The following UFM1 variants were observed in gnomAD, a reference collection of about 807,000 sequenced individuals.
UFM1 encodes ubiquitin-fold modifier 1.
In UFM1, 9 loss-of-function variants were observed where a neutral mutation model predicts 15.4. The ratio of observed to expected loss-of-function variants is 0.59; its 90% confidence interval spans 0.35 to 1.02. The LOEUF (loss-of-function observed/expected upper bound fraction) is 1.02, where lower values mean the gene tolerates loss of function less well. Ranked by LOEUF, UFM1 falls within the 50% of genes least tolerant of loss-of-function variation. The pLI, the probability that UFM1 is intolerant of heterozygous loss-of-function variation, is 0.02. For missense variants in UFM1, 98 were observed against 104.7 expected (o/e 0.94, Z 0.28); for synonymous variants, 27 against 36.3 (o/e 0.74, Z 0.92).
chr13:38,350,361 T>C, intron 2 of UFM1: 1 of 940,412 alleles, frequency 1.1e-6, no homozygotes, highest in Non-Finnish European at 1.6e-6. Flanking sequence ...GTGGACCAGG[T>C]TCTGGTAATT....
At position 38,360,981 on chromosome 13, in the gene UFM1, C is replaced by G. The variant is rs1406913101; in HGVS notation, c.*203C>G. 4.7e-6 allele frequency: 2 copies of G among 423,536 alleles called. No individual in the cohort carries two copies. Among genetic ancestry groups the G allele is most frequent in the African/African-American group, 4.1e-5 (2 of 48,936 alleles). 26.2% of individuals were successfully genotyped at this position (423,536 alleles called of 1,614,324 possible). On this transcript the variant is annotated 3_prime_UTR_variant, in exon 6 of 6. Coordinates refer to ENST00000239878, the MANE Select transcript of UFM1 (RefSeq NM_016617.4). ...GTATGAATTAAGGCTACTACTGTCA[C>G]AGAAGATCATAGTCTTTGATGCTAC... is the stretch of plus-strand genomic sequence containing the variant.
rs1296028016 is a variant in UFM1 at position 38,362,989 on chromosome 13, T to A, written c.*2211T>A. 1 of 152,090 alleles carries A rather than the reference T, an allele frequency of 6.6e-6. No homozygotes were observed. Among genetic ancestry groups the A allele is most frequent in the African/African-American group, 2.4e-5 (1 of 41,444 alleles). 9.4% of individuals were successfully genotyped at this position (152,090 alleles called of 1,614,324 possible). A position where few individuals can be genotyped will look rare whatever the true frequency, so the allele number is the denominator to read the frequency against. On this transcript the variant is annotated 3_prime_UTR_variant, in exon 6 of 6. Coordinates refer to ENST00000239878, the MANE Select transcript of UFM1 (RefSeq NM_016617.4). The stretch of plus-strand genomic sequence containing the variant: ...AATTAATATCTAATGAAAATACATG[T>A]TGTTATATTGTAAACCATATTGTCT...
chr13:38,352,192 C>T (rs549660124), intron 2 of UFM1, among the ~76,000 whole-genome samples: 3 of 150,192 alleles, frequency 2.0e-5, no homozygotes, highest in African/African-American at 4.9e-5. Flanking sequence ...CAACGCCCGC[C>T]TTCCCAGTTC....
chr13:38,350,309 C>A, intron 2 of UFM1: 1 of 1,413,008 alleles, frequency 7.1e-7, no homozygotes, highest in Non-Finnish European at 9.7e-7. Context: ...TAGTGACCTC[C>A]CCTCGGAATT....
chr13:38,349,937 C>T lies in UFM1; in HGVS notation c.2+16C>T. 6.2e-7 allele frequency: 1 copy of T among 1,614,022 alleles called. No individual in the cohort carries two copies. Among genetic ancestry groups the T allele is most frequent in the Non-Finnish European group, 8.5e-7 (1 of 1,179,894 alleles). On this transcript the variant is annotated intron_variant, in intron 1 of 5. Coordinates refer to ENST00000239878, the MANE Select transcript of UFM1 (RefSeq NM_016617.4). ...GCACCACCATGTAAGTGTTTGCTTA[C>T]CGACTGCCATAATTCCTGGTCCAGC...
intron 2 of UFM1, 154 bp downstream of exon 2, chr13:38,350,209 C>T: frequency 6.2e-7 from 1 of 1,612,042 alleles, no homozygotes. Context: ...GCCTTTCCCA[C>T]CGGAGCCTGC....
intron 4 of UFM1, among the ~76,000 whole-genome samples, chr13:38,359,068 C>G: frequency 6.6e-6 from 1 of 151,964 alleles, no homozygotes; most frequent in East Asian, 1.9e-4. Context: ...TTACCAGGAT[C>G]ATTGCATTGA....
intron 2 of UFM1, 67 bp downstream of exon 2, chr13:38,350,122 G>A (rs1332971637): frequency 1.2e-6 from 2 of 1,613,872 alleles, no homozygotes; most frequent in East Asian, 2.2e-5. Flanking sequence ...GGGATGATCC[G>A]AGCTTTTCCA....
At chr13:38,350,140 C>G in intron 2 of UFM1, 85 bp downstream of exon 2, 1 of 1,614,034 alleles carries the variant, frequency 6.2e-7, no homozygotes, top group East Asian at 2.2e-5. Flanking sequence ...CCAACAACTA[C>G]CCCACGCAGT....
At chr13:38,350,723 C>T (rs1878806565) in intron 2 of UFM1, among the ~76,000 whole-genome samples, 1 of 152,110 alleles carries the variant, frequency 6.6e-6, no homozygotes, top group African/African-American at 2.4e-5. Flanking sequence ...GAGGTTATTG[C>T]AGTTGGAAGT....
chr13:38,358,174 A>G, intron 4 of UFM1, 42 bp downstream of exon 4: 1 of 1,289,092 alleles, frequency 7.8e-7, no homozygotes, highest in Non-Finnish European at 1.0e-6. Context: ...TCAAATTTAT[A>G]GAAATGGTGT....
chr13:38,359,371 T>C, intron 5 of UFM1, 38 bp downstream of exon 5: 1 of 1,604,782 alleles, frequency 6.2e-7, no homozygotes, highest in Admixed American at 1.7e-5. Context: ...TGGGTGGGGT[T>C]ATATATGTCA....
At chr13:38,358,911 C>T (rs1463172690) in intron 4 of UFM1, among the ~76,000 whole-genome samples, 1 of 151,982 alleles carries the variant, frequency 6.6e-6, no homozygotes, top group African/African-American at 2.4e-5. Flanking sequence ...TGTGAGCTCT[C>T]CCAGCCTTAA....
Position 38,360,803 on chromosome 13 carries a change from T to C in UFM1, c.*25T>C, listed in dbSNP as rs1025097852. ...ATATCTGCTACTTGGAACATACGATTGCCTTTCAGAATAAATATTGGTATT... is the reference window on the plus strand; with the variant it reads ...ATATCTGCTACTTGGAACATACGATCGCCTTTCAGAATAAATATTGGTATT... On this transcript the variant is annotated 3_prime_UTR_variant, in exon 6 of 6. Coordinates refer to ENST00000239878, the MANE Select transcript of UFM1 (RefSeq NM_016617.4). 6.4e-6 allele frequency: 10 copies of C among 1,569,886 alleles called. No homozygotes were observed. Among genetic ancestry groups the C allele is most frequent in the Non-Finnish European group, 8.7e-6 (10 of 1,146,392 alleles).
chr13:38,359,867 C>A (rs965948671), intron 5 of UFM1: 17 of 178,392 alleles, frequency 9.5e-5, no homozygotes, highest in African/African-American at 2.4e-5. Flanking sequence ...AAAAAGAAGT[C>A]TAAAACTTTT....
chr13:38,358,573 A>T (rs1457243496), intron 4 of UFM1, among the ~76,000 whole-genome samples: 4 of 151,994 alleles, frequency 2.6e-5, no homozygotes, highest in Admixed American at 1.3e-4. Flanking sequence ...AAATCTTAAT[A>T]TCTTGGAACA....
intron 2 of UFM1, among the ~76,000 whole-genome samples, chr13:38,351,557 A>C (rs1878849838): frequency 6.6e-6 from 1 of 152,238 alleles, no homozygotes; most frequent in South Asian, 2.1e-4. Context: ...CTCCTATGAA[A>C]AACCACTTGA....
chr13:38,350,184 C>G (rs776932458), intron 2 of UFM1, 129 bp downstream of exon 2: 3 of 1,613,684 alleles, frequency 1.9e-6, no homozygotes, highest in Admixed American at 3.3e-5. Flanking sequence ...TTTCCTGGCT[C>G]GCGCCCTTCC....
rs1215153507 is a variant in UFM1 at position 38,353,068 on chromosome 13, G to T, written c.60-1171G>T. Among the ~76,000 whole-genome samples, 8 of 152,204 alleles carry T rather than the reference G, an allele frequency of 5.3e-5. No individual in the cohort carries two copies. The East Asian group carries it at 1.5e-3, about 29-fold the overall frequency. The stretch of plus-strand genomic sequence containing the variant: ...CCCCCCAAAAACATTAGTAAAGAAA[G>T]GGTAAAAATGATACCCATTTTCATC... On this transcript the variant is annotated intron_variant, in intron 2 of 5. Transcript: ENST00000239878.
Sources: allele counts gnomAD v4.1 joint callset (sites outside exome capture counted in the v4.1 genomes callset), GRCh38; gene constraint gnomAD v4.1.1; transcripts MANE v1.5; gene names NCBI Gene and HGNC (gene_info 2026-07-23, HGNC 2026-07-21).